The following CWC27 variants were observed in gnomAD, a reference collection of about 807,000 sequenced individuals.
CWC27 encodes spliceosome-associated protein CWC27 homolog.
CWC27 carries 47 observed loss-of-function variants against 63.6 expected under a neutral mutation model. That is an observed-to-expected ratio of 0.74 (90% confidence interval 0.58 to 0.94). CWC27 has a LOEUF of 0.94. Ranked by LOEUF, CWC27 falls within the 40% of genes least tolerant of loss-of-function variation. The pLI is 0.00. For synonymous variants in CWC27, 175 were observed against 179.8 expected, an observed-to-expected ratio of 0.97 and a Z score of 0.22; for missense variants, 495 against 554.3, an observed-to-expected ratio of 0.89 and a Z score of 1.07.
Position 64,806,258 on chromosome 5 carries a change from G to A in CWC27, c.938+1872G>A, listed in dbSNP as rs1012065958. On this transcript the variant is annotated intron_variant, in intron 10 of 13. Coordinates refer to ENST00000381070, the MANE Select transcript of CWC27 (RefSeq NM_005869.4). ...CTGTAGAGGAAAAAGTTATATTCAA[G>A]TGCATTGCAAGTCTACTAAGAAAAT... 2.0e-5 allele frequency among the ~76,000 whole-genome samples: 3 copies of A among 152,114 alleles called. No individual in the cohort carries two copies. The South Asian group carries it at 6.2e-4, about 31-fold the overall frequency.
intron 13 of CWC27, among the ~76,000 whole-genome samples, chr5:65,005,001 T>A (rs556368720): frequency 1.2e-3 from 178 of 150,734 alleles, no homozygotes; most frequent in African/African-American, 4.1e-3. Flanking sequence ...CTTCTTAGCC[T>A]GTAATCAGCT....
At chr5:64,782,547 A>G (rs886143098) in intron 3 of CWC27, among the ~76,000 whole-genome samples, 6 of 148,118 alleles carry the variant, frequency 4.1e-5, no homozygotes, top group Non-Finnish European at 9.0e-5. Context: ...ACATAGATCT[A>G]AGAAGAAAAG....
intron 11 of CWC27, among the ~76,000 whole-genome samples, chr5:64,941,441 G>C (rs1748477707): frequency 6.6e-6 from 1 of 151,392 alleles, no homozygotes; most frequent in African/African-American, 2.4e-5. Context: ...TTTTTATTCA[G>C]GCAAATATAT....
chr5:64,985,109 ACT>A (rs1749401817), intron 13 of CWC27, among the ~76,000 whole-genome samples: 2 of 151,860 alleles, frequency 1.3e-5, no homozygotes, highest in African/African-American at 2.4e-5. Flanking sequence ...CTTTTCTTGG[ACT>A]CTCTATTCTG....
At chr5:64,832,436 C>T (rs1745549343) in intron 10 of CWC27, among the ~76,000 whole-genome samples, 3 of 151,044 alleles carry the variant, frequency 2.0e-5, no homozygotes, top group African/African-American at 7.3e-5. Context: ...ATGAGAAGTT[C>T]ACTTTGTTTC....
At chr5:65,010,780 T>C (rs1314063357) in intron 13 of CWC27, among the ~76,000 whole-genome samples, 1 of 152,212 alleles carries the variant, frequency 6.6e-6, no homozygotes, top group Non-Finnish European at 1.5e-5. Flanking sequence ...ATCATAAAGT[T>C]AGTAGTAGTA....
intron 11 of CWC27, among the ~76,000 whole-genome samples, chr5:64,921,148 T>C (rs1227006263): frequency 6.6e-6 from 1 of 152,210 alleles, no homozygotes; most frequent in Non-Finnish European, 1.5e-5. Context: ...TCTATTTTCA[T>C]TAGTTTCAAA....
intron 10 of CWC27, chr5:64,807,578 C>G (rs1480672753): frequency 6.6e-7 from 1 of 1,518,478 alleles, no homozygotes; most frequent in African/African-American, 1.4e-5. Flanking sequence ...TTAAAATGTA[C>G]CAATCCCACT....
At chr5:65,012,885 CA>C (rs989594958) in intron 13 of CWC27, among the ~76,000 whole-genome samples, 2 of 152,130 alleles carry the variant, frequency 1.3e-5, no homozygotes, top group Non-Finnish European at 2.9e-5. Flanking sequence ...TAACTAGGAA[CA>C]TTTTTTTTAA....
chr5:64,815,894 G>C lies in CWC27; in HGVS notation c.938+11508G>C, dbSNP rs200423054. Among the ~76,000 whole-genome samples, 8 of 152,128 alleles carry C rather than the reference G, an allele frequency of 5.3e-5. No homozygotes were observed. In the East Asian group the frequency reaches 1.5e-3, roughly 29 times the overall value. On this transcript the variant is annotated intron_variant, in intron 10 of 13. Coordinates refer to ENST00000381070, the MANE Select transcript of CWC27 (RefSeq NM_005869.4). ...TTATTAGATATCTTAAGAATCCTTTGGTTATAAGGAATAGAAACCCACTCA... is the reference window on the plus strand; with the variant it reads ...TTATTAGATATCTTAAGAATCCTTTCGTTATAAGGAATAGAAACCCACTCA...
Position 64,789,644 on chromosome 5 carries a change from T to A in CWC27, c.669+624T>A, listed in dbSNP as rs373992929. Among the ~76,000 whole-genome samples the A allele has an allele frequency of 1.0e-3, 152 of 152,250 alleles. 1 individual carries two copies. Among genetic ancestry groups the A allele is most frequent in the African/African-American group, 3.5e-3 (146 of 41,572 alleles). On this transcript the variant is annotated intron_variant, in intron 7 of 13. Coordinates refer to ENST00000381070, the MANE Select transcript of CWC27 (RefSeq NM_005869.4). The stretch of plus-strand genomic sequence containing the variant: ...AGTCCTTCCTGTAGGCCTTTACATG[T>A]GGTTTTCTTCAATATTGCTTGCATC...
chr5:65,005,837 A>G, intron 13 of CWC27, among the ~76,000 whole-genome samples: 1 of 152,346 alleles, frequency 6.6e-6, no homozygotes, highest in Non-Finnish European at 1.5e-5. Flanking sequence ...GATAGTTATA[A>G]AATATAGAAA....
At chr5:64,930,682 C>T (rs1004911562) in intron 11 of CWC27, among the ~76,000 whole-genome samples, 2 of 152,110 alleles carry the variant, frequency 1.3e-5, no homozygotes, top group Non-Finnish European at 2.9e-5. Flanking sequence ...GGCATGATCA[C>T]AAACTGTCTC....
At chr5:64,899,018 AG>A (rs1259766447) in intron 11 of CWC27, among the ~76,000 whole-genome samples, 4 of 152,186 alleles carry the variant, frequency 2.6e-5, no homozygotes, top group Admixed American at 2.6e-4. Context: ...GCTGTAAAAA[AG>A]GCTGAGAAAT....
chr5:64,902,749 A>G (rs1029229438), intron 11 of CWC27, among the ~76,000 whole-genome samples: 3 of 152,152 alleles, frequency 2.0e-5, no homozygotes, highest in Non-Finnish European at 2.9e-5. Flanking sequence ...ATTTCTACGA[A>G]AAAAAAGCCT....
At chr5:64,797,236 G>C (rs1160520886) in intron 7 of CWC27, among the ~76,000 whole-genome samples, 1 of 152,034 alleles carries the variant, frequency 6.6e-6, no homozygotes, top group Non-Finnish European at 1.5e-5. Flanking sequence ...TATATTTGGT[G>C]TTTGTTCTTC....
chr5:65,010,533 C>T (rs768678564), intron 13 of CWC27, among the ~76,000 whole-genome samples: 1 of 152,164 alleles, frequency 6.6e-6, no homozygotes, highest in Non-Finnish European at 1.5e-5. Context: ...AGAATTCTAA[C>T]TTAACAGAGA....
At chr5:64,818,606 A>G (rs915428846) in intron 10 of CWC27, among the ~76,000 whole-genome samples, 39 of 152,314 alleles carry the variant, frequency 2.6e-4, no homozygotes, top group Admixed American at 2.6e-4. Context: ...CTTGTATTTT[A>G]TATCCTGCTG....
At chr5:64,981,071 G>A (rs1749324783) in intron 13 of CWC27, among the ~76,000 whole-genome samples, 1 of 151,814 alleles carries the variant, frequency 6.6e-6, no homozygotes, top group Admixed American at 6.6e-5. Flanking sequence ...CAACCTGGTT[G>A]ACAGAGCAAA....
Sources: allele counts gnomAD v4.1 joint callset (sites outside exome capture counted in the v4.1 genomes callset), GRCh38; gene constraint gnomAD v4.1.1; transcripts MANE v1.5; gene names NCBI Gene and HGNC (gene_info 2026-07-23, HGNC 2026-07-21).